PLEKHH1: variants seen among roughly 807,000 people sequenced by gnomAD.
PLEKHH1 encodes pleckstrin homology, MyTH4 and FERM domain containing H1, also known as pleckstrin homology domain-containing family H member 1.
PLEKHH1 carries 104 observed loss-of-function variants against 160.0 expected under a neutral mutation model. That is an observed-to-expected ratio of 0.65 (90% CI 0.55 to 0.76). The LOEUF (loss-of-function observed/expected upper bound fraction) is 0.76, where lower values mean the gene tolerates loss of function less well. PLEKHH1 is among the 30% of genes least tolerant of loss of function. The probability of loss-of-function intolerance (pLI) is 0.00; values close to 1 mark genes in which losing one functional copy is unlikely to be tolerated. For missense variants in PLEKHH1, 1,427 were observed against 1,724.1 expected, an observed-to-expected ratio of 0.83 and a Z score of 3.05; for synonymous variants, 619 against 678.4, an observed-to-expected ratio of 0.91 and a Z score of 1.36.
intron 3 of PLEKHH1, among the ~76,000 whole-genome samples, chr14:67,556,232 C>T (rs1164089965): frequency 3.3e-5 from 5 of 152,180 alleles, no homozygotes; most frequent in African/African-American, 9.7e-5. Flanking sequence ...TTAAAGGAGG[C>T]TTGCCTATCT....
Position 67,587,176 on chromosome 14 carries a change from G to T in PLEKHH1, c.4036G>T (p.Asp1346Tyr), listed in dbSNP as rs776810947. 6.2e-7 allele frequency: 1 copy of T among 1,613,848 alleles called. No homozygotes were observed. Among genetic ancestry groups the T allele is most frequent in the South Asian group, 1.1e-5 (1 of 91,076 alleles). ...CGGAGCCTGCCAGCTGTGGGAACTG[G>T]ATGGACGACAGTTCTTTTCTTCTGT... ...PPGACQLWEL[D>Y]GRQFFSSVSC... Residue 1346 changes from aspartate (D) to tyrosine (Y), a missense_variant, in exon 29 of 29, where the codon GAT becomes TAT. By Grantham distance (160) the Asp-to-Tyr change is radical. This residue lies in a region of PLEKHH1 where 96 missense variants were observed against 97.6 expected (regional missense o/e 0.98). Coordinates refer to ENST00000329153, the MANE Select transcript of PLEKHH1 (RefSeq NM_020715.3).
chr14:67,539,115 T>C (rs931387371), intron 1 of PLEKHH1, among the ~76,000 whole-genome samples: 1 of 152,214 alleles, frequency 6.6e-6, no homozygotes, highest in Non-Finnish European at 1.5e-5. Context: ...TCCCAGGTCC[T>C]AGTCTCAGAT....
chr14:67,536,291 C>T (rs1037839012), intron 1 of PLEKHH1, among the ~76,000 whole-genome samples: 3 of 151,908 alleles, frequency 2.0e-5, no homozygotes, highest in South Asian at 2.1e-4. Flanking sequence ...TCCCTGTGTA[C>T]ACTCACACCC....
rs143376440 is a variant in PLEKHH1 at position 67,561,020 on chromosome 14, C to G, written c.424-934C>G. Among the ~76,000 whole-genome samples, 615 of 152,192 alleles carry G rather than the reference C, an allele frequency of 4.0e-3. 5 individuals carry two copies. The highest frequency in any genetic ancestry group is 0.014 in the African/African-American group (584 of 41,516). ...TGCTAGGATTACGGGTGTGAGCCAC[C>G]ACACCCGGCTGACAAACATACATCT... On this transcript the variant is annotated intron_variant, in intron 5 of 28. Transcript: ENST00000329153.
Position 67,572,294 on chromosome 14 carries a change from G to A in PLEKHH1, c.1728+17G>A, listed in dbSNP as rs2035424001. On this transcript the variant is annotated intron_variant, in intron 11 of 28. Transcript: ENST00000329153. Reference sequence around the variant, plus strand: ...CTGGGCGGGGTGAGCCGGGAAACGGGCGGGGGCAGGGTGGAAGCAGAATGC... The same window carrying A: ...CTGGGCGGGGTGAGCCGGGAAACGGACGGGGGCAGGGTGGAAGCAGAATGC... 10 of 1,575,428 alleles carry A rather than the reference G, an allele frequency of 6.3e-6. No homozygotes were observed. Among genetic ancestry groups the A allele is most frequent in the East Asian group, 4.6e-5 (2 of 43,440 alleles).
chr14:67,557,913 G>A (rs948526626), intron 4 of PLEKHH1, among the ~76,000 whole-genome samples: 1 of 152,184 alleles, frequency 6.6e-6, no homozygotes, highest in Non-Finnish European at 1.5e-5. Flanking sequence ...GATCAGAGCT[G>A]CACAGAGCTG....
At chr14:67,562,994 G>C in intron 7 of PLEKHH1, 100 bp downstream of exon 7, 1 of 1,250,240 alleles carries the variant, frequency 8.0e-7, no homozygotes, top group Non-Finnish European at 1.1e-6. Context: ...GAGGCTGCTG[G>C]CATCCTCATG....
chr14:67,572,197 C>A lies in PLEKHH1; in HGVS notation c.1648C>A (p.Leu550Met), dbSNP rs1441114548. The change falls in exon 11 of 29, where the codon CTG becomes ATG. Residue 550 changes from leucine to methionine, a missense_variant. Leu to Met is a conservative substitution (Grantham distance 15). This residue lies in a region of PLEKHH1 where 831 missense variants were observed against 929.2 expected (regional missense o/e 0.89). Transcript: ENST00000329153. ...DYAIPPDACS[L>M]DSDYSEPEHK... ...CGCCATCCCCCCGGACGCCTGCTCACTGGACAGTGACTACTCAGAGCCTGA... is the reference window on the plus strand; with the variant it reads ...CGCCATCCCCCCGGACGCCTGCTCAATGGACAGTGACTACTCAGAGCCTGA... The A allele has an allele frequency of 1.2e-6, 2 of 1,609,100 alleles. No individual in the cohort carries two copies. Among genetic ancestry groups the A allele is most frequent in the South Asian group, 2.2e-5 (2 of 89,758 alleles).
chr14:67,534,902 T>G (rs2033641751), intron 1 of PLEKHH1, among the ~76,000 whole-genome samples: 1 of 152,224 alleles, frequency 6.6e-6, no homozygotes, highest in Non-Finnish European at 1.5e-5. Flanking sequence ...TATGAAATGG[T>G]GTACATCATT....
chr14:67,562,294 T>C lies in PLEKHH1; in HGVS notation c.663T>C (p.Gly221=). ...CAGCTGTGCTTGCACCTTCCCCAGG[T>C]GCCCTGCAGAGCAAGGACTCTGTTT... The part of the protein sequence containing the change: ...LKAAVLAPSP[G]ALQSKDSVSE... The change falls in exon 7 of 29, where the codon GGT becomes GGC. Residue 221 remains glycine (G), a synonymous_variant. Coordinates refer to ENST00000329153, the MANE Select transcript of PLEKHH1 (RefSeq NM_020715.3). 6.2e-7 allele frequency: 1 copy of C among 1,613,858 alleles called. No homozygotes were observed. The highest frequency in any genetic ancestry group is 1.1e-5 in the South Asian group (1 of 91,068).
At chr14:67,580,520 G>A (rs1022266255) in intron 22 of PLEKHH1, among the ~76,000 whole-genome samples, 1 of 152,228 alleles carries the variant, frequency 6.6e-6, no homozygotes. Flanking sequence ...ACATTGCCTG[G>A]AAAAACTATG....
intron 3 of PLEKHH1, among the ~76,000 whole-genome samples, chr14:67,556,179 G>T (rs1313581764): frequency 6.6e-6 from 1 of 152,218 alleles, no homozygotes; most frequent in East Asian, 1.9e-4. Flanking sequence ...TCCATTGAGG[G>T]TTAGCCAGTG....
chr14:67,574,025 G>A lies in PLEKHH1; in HGVS notation c.1926+138G>A. 1 of 722,944 alleles carries A rather than the reference G, an allele frequency of 1.4e-6. No individual in the cohort carries two copies. Among genetic ancestry groups the A allele is most frequent in the Non-Finnish European group, 2.4e-6 (1 of 418,720 alleles). 44.8% of individuals were successfully genotyped at this position (722,944 alleles called of 1,614,324 possible). A position where few individuals can be genotyped will look rare whatever the true frequency, so the allele number is the denominator to read the frequency against. ...CAACATTTGGACGTGATCCTAACTT[G>A]TGAGTACAAGAAAGGAAGATGAGAC... On this transcript the variant is annotated intron_variant, in intron 13 of 28. Transcript: ENST00000329153. The surrounding 1 kb of genome is among the most constrained non-coding windows in gnomAD (Gnocchi z 4.2).
intron 22 of PLEKHH1, 94 bp downstream of exon 22, chr14:67,579,970 G>C: frequency 8.1e-7 from 1 of 1,229,112 alleles, no homozygotes; most frequent in Non-Finnish European, 1.1e-6. Flanking sequence ...TGACTGTTTG[G>C]TAGCTCATTT....
Position 67,573,856 on chromosome 14 carries a change from T to C in PLEKHH1, c.1895T>C (p.Ile632Thr), listed in dbSNP as rs201861455. 2.2e-4 allele frequency: 362 copies of C among 1,613,472 alleles called. No individual in the cohort carries two copies. Among genetic ancestry groups the C allele is most frequent in the Admixed American group, 1.7e-4 (10 of 59,982 alleles). ...GQVDLNSRCQ[I>T]VRGEGSQTFQ... ...GTGGATCTGAACTCCCGCTGCCAAATTGTTCGAGGGGAGGGTTCACAGACG... is the reference window on the plus strand; with the variant it reads ...GTGGATCTGAACTCCCGCTGCCAAACTGTTCGAGGGGAGGGTTCACAGACG... Residue 632 changes from isoleucine to threonine, a missense_variant, in exon 13 of 29, where the codon ATT (isoleucine) becomes ACT (threonine). Physicochemically the swap from Ile to Thr is moderately conservative, Grantham distance 89. Coordinates refer to ENST00000329153, the MANE Select transcript of PLEKHH1 (RefSeq NM_020715.3). The surrounding 1 kb of genome is among the most constrained non-coding windows in gnomAD (Gnocchi z 4.8).
In PLEKHH1 at chr14:67,562,718, G is replaced by A; in HGVS notation, c.1087G>A (p.Glu363Lys). ...AGCCCTCCACCCCTCTGGCCTTCCT[G>A]AGCTGGAGTCCCGAGCTAGGTCCCG... ...FSALHPSGLP[E>K]LESRARSREE... is the part of the protein sequence containing the mutation. The change falls in exon 7 of 29, where the codon GAG (glutamate) becomes AAG (lysine). Residue 363 changes from glutamate to lysine, a missense_variant. Physicochemically the swap from Glu to Lys is moderately conservative, Grantham distance 56. This residue lies in a region of PLEKHH1 where 831 missense variants were observed against 929.2 expected (regional missense o/e 0.89). Coordinates refer to ENST00000329153, the MANE Select transcript of PLEKHH1 (RefSeq NM_020715.3). 6.2e-7 allele frequency: 1 copy of A among 1,613,366 alleles called. No individual in the cohort carries two copies. Among genetic ancestry groups the A allele is most frequent in the Non-Finnish European group, 8.5e-7 (1 of 1,179,670 alleles).
At position 67,578,005 on chromosome 14, in the gene PLEKHH1, A is replaced by G; in HGVS notation, c.2575-18A>G. 1 of 1,608,182 alleles carries G rather than the reference A, an allele frequency of 6.2e-7. No individual in the cohort carries two copies. The highest frequency in any genetic ancestry group is 8.5e-7 in the Non-Finnish European group (1 of 1,176,816). On this transcript the variant is annotated intron_variant, in intron 18 of 28. Coordinates refer to ENST00000329153, the MANE Select transcript of PLEKHH1 (RefSeq NM_020715.3). The surrounding 1 kb of genome is among the most constrained non-coding windows in gnomAD (Gnocchi z 5.0). Reference sequence around the variant, plus strand: ...AGGGGATGCTGGTCTGCCTGTGCTCACTGCTGTTCCCTCCCAGTCCTGCCA... The same window carrying G: ...AGGGGATGCTGGTCTGCCTGTGCTCGCTGCTGTTCCCTCCCAGTCCTGCCA...
intron 5 of PLEKHH1, 118 bp from the exon 6 acceptor site, chr14:67,561,836 A>G: frequency 4.0e-6 from 3 of 741,754 alleles, no homozygotes; most frequent in South Asian, 1.8e-5. Context: ...CTCCACTGCA[A>G]TTCAGTCTGG....
intron 2 of PLEKHH1, among the ~76,000 whole-genome samples, chr14:67,543,461 G>C (rs1437576947): frequency 6.6e-6 from 1 of 152,246 alleles, no homozygotes; most frequent in Non-Finnish European, 1.5e-5. Context: ...GCAGACCTTA[G>C]ACAGTGATTC....
Sources: gnomAD v4.1 joint callset for allele counts (sites outside exome capture counted in the v4.1 genomes callset) on GRCh38, gnomAD v4.1.1 for gene constraint, gnomAD v4.1.1 regional missense constraint, Gnocchi (gnomAD v3.1) non-coding constraint, MANE v1.5 for transcripts, NCBI Gene and HGNC (gene_info 2026-07-23, HGNC 2026-07-21) for gene names.